STIL: variants seen among roughly 807,000 people sequenced by gnomAD.
STIL encodes SCL-interrupting locus protein.
STIL carries 55 observed loss-of-function variants against 110.1 expected under a neutral mutation model. The observed-to-expected ratio is 0.50, with a 90% CI of 0.40 to 0.63. The LOEUF is 0.63. STIL is among the 20% of genes least tolerant of loss of function. The pLI, the probability that STIL is intolerant of heterozygous loss-of-function variation, is 0.00. For missense variants in STIL, 1,358 were observed against 1,530.0 expected (o/e 0.89, Z 1.87); for synonymous variants, 481 against 530.0 (o/e 0.91, Z 1.27).
rs760203042 is a variant in STIL, at chr1:47,280,742, G to A, written c.1716C>T (p.His572=). The A allele has an allele frequency of 4.3e-5, 70 of 1,613,910 alleles. No individual in the cohort carries two copies. Among genetic ancestry groups the A allele is most frequent in the South Asian group, 1.9e-4 (17 of 91,076 alleles). The change falls in exon 12 of 17, where the codon CAC becomes CAT. Residue 572 remains histidine, a synonymous_variant. Transcript: ENST00000371877. ...AATTATGGGGTGAAAAAACAAAATC[G>A]TGTGGTTGGGACTGCGGGGCAAGAG... ...QSSLAPQSQP[H]DFVFSPHNSG... is the part of the protein sequence containing the mutation.
chr1:47,262,929 T>G lies in STIL; in HGVS notation c.2803A>C (p.Asn935His). 2 of 1,614,220 alleles carry G rather than the reference T, an allele frequency of 1.2e-6. No individual in the cohort carries two copies. The highest frequency in any genetic ancestry group is 8.5e-7 in the Non-Finnish European group (1 of 1,180,030). Residue 935 changes from asparagine (N) to histidine (H), a missense_variant, in exon 15 of 17, where the codon AAC (asparagine) becomes CAC (histidine). Physicochemically the swap from Asn to His is moderately conservative, Grantham distance 68. Coordinates refer to ENST00000371877, the MANE Select transcript of STIL (RefSeq NM_001048166.1). Reference sequence around the variant, plus strand: ...AATAAATCCTGGTAAATTTTCTGGTTATCTGATGGTTGATGAAGCAAGGGT... The same window carrying G: ...AATAAATCCTGGTAAATTTTCTGGTGATCTGATGGTTGATGAAGCAAGGGT... Reference protein sequence around the residue: ...MQPLLHQPSDNQKIYQDLLGQ... With the variant: ...MQPLLHQPSDHQKIYQDLLGQ...
chr1:47,280,859 A>C lies in STIL; in HGVS notation c.1599T>G (p.Asp533Glu), dbSNP rs769167093. ...KPSSHNGPSH[D>E]IFEKLQTVSA... ...AAACTGTTTGGAGCTTTTCAAATAT[A>C]TCATGAGATGGCCCATTATGAGAAG... The change falls in exon 12 of 17, where the codon GAT (aspartate) becomes GAG (glutamate). Residue 533 changes from aspartate (D) to glutamate (E), a missense_variant. By Grantham distance (45) the Asp-to-Glu change is conservative. Transcript: ENST00000371877. 1 of 1,614,242 alleles carries C rather than the reference A, an allele frequency of 6.2e-7. No individual in the cohort carries two copies. The highest frequency in any genetic ancestry group is 8.5e-7 in the Non-Finnish European group (1 of 1,180,038).
At chr1:47,299,134 A>G (rs12743877) in intron 6 of STIL, among the ~76,000 whole-genome samples, 87,688 of 150,810 alleles carry the variant, frequency 0.58, 27,661 homozygotes, top group African/African-American at 0.84. Context: ...GATCACCTGA[A>G]GTCTGGAGTT....
At position 47,251,903 on chromosome 1, in the gene STIL, G is replaced by T. The variant is rs1644194837; in HGVS notation, c.3100C>A (p.Pro1034Thr). 2 of 1,611,400 alleles carry T rather than the reference G, an allele frequency of 1.2e-6. No homozygotes were observed. Among genetic ancestry groups the T allele is most frequent in the African/African-American group, 2.7e-5 (2 of 74,884 alleles). Residue 1034 changes from proline (P) to threonine (T), a missense_variant, in exon 17 of 17, where the codon CCA becomes ACA. Pro to Thr is a conservative substitution (Grantham distance 38). Transcript: ENST00000371877. ...DHASVLACIS[P>T]EAVISGLNCM... ...TTTAATCCAGAGATCACTGCTTCTG[G>T]GCTGATGCATGCCAACACACTGAAA...
At chr1:47,302,902 GGTCT>G (rs1303626948) in intron 3 of STIL, among the ~76,000 whole-genome samples, 1 of 152,032 alleles carries the variant, frequency 6.6e-6, no homozygotes, top group Non-Finnish European at 1.5e-5. Flanking sequence ...GTGTGAATAT[GGTCT>G]GTCTCTCAAA....
intron 11 of STIL, 80 bp from the exon 12 acceptor site, chr1:47,281,289 C>T (rs1645153353): frequency 5.9e-6 from 8 of 1,344,780 alleles, no homozygotes; most frequent in Non-Finnish European, 8.0e-6. Context: ...ACCAGTATTT[C>T]CCAAATTATA....
intron 3 of STIL, among the ~76,000 whole-genome samples, chr1:47,304,015 A>G (rs187136441): frequency 5.6e-4 from 86 of 152,224 alleles, no homozygotes; most frequent in Non-Finnish European, 1.0e-3. Context: ...CCTACAAGAG[A>G]ACTGTGAAAC....
chr1:47,283,160 T>A (rs1207037190), intron 10 of STIL: 1 of 152,120 alleles, frequency 6.6e-6, no homozygotes, highest in East Asian at 1.9e-4. Flanking sequence ...GCGCTCAGGA[T>A]TAATGGGATC....
chr1:47,252,282 T>C (rs1452309543), intron 16 of STIL, among the ~76,000 whole-genome samples: 1 of 152,136 alleles, frequency 6.6e-6, no homozygotes, highest in Non-Finnish European at 1.5e-5. Context: ...CTCAAGAGGC[T>C]GAGGCAGGAG....
intron 15 of STIL, among the ~76,000 whole-genome samples, chr1:47,262,072 TCTCA>T (rs1644502901): frequency 6.6e-6 from 1 of 152,178 alleles, no homozygotes; most frequent in African/African-American, 2.4e-5. Context: ...CTCCTTTTCT[TCTCA>T]CTTTCTCAAA....
chr1:47,262,863 T>C (rs1346439633), intron 15 of STIL, 40 bp downstream of exon 15: 3 of 1,592,204 alleles, frequency 1.9e-6, no homozygotes, highest in Admixed American at 1.7e-5. Context: ...CTATACTAAA[T>C]AACCTTCTCA....
intron 8 of STIL, among the ~76,000 whole-genome samples, chr1:47,292,968 A>G (rs573238570): frequency 6.6e-6 from 1 of 152,210 alleles, no homozygotes; most frequent in Non-Finnish European, 1.5e-5. Context: ...CTATTAAATG[A>G]GTTGAGGTTA....
intron 5 of STIL, 82 bp from the exon 6 acceptor site, chr1:47,300,234 T>C: frequency 2.3e-6 from 3 of 1,286,910 alleles, no homozygotes; most frequent in East Asian, 2.5e-5. Flanking sequence ...CTGATACATA[T>C]ACATATATAA....
chr1:47,313,232 G>C (rs535050544), intron 1 of STIL: 2 of 152,282 alleles, frequency 1.3e-5, no homozygotes, highest in African/African-American at 4.8e-5. Context: ...GCTGAGGCAG[G>C]AGAATCGCTT....
At chr1:47,258,991 G>GTTTTTTTTTTTTTTTTTTTT (rs1557704421) in intron 16 of STIL, among the ~76,000 whole-genome samples, 1 of 36,228 alleles carries the variant, frequency 2.8e-5, no homozygotes, top group African/African-American at 1.4e-4. Flanking sequence ...AAGTAACTTT[G>GTTTTTTTTTTTTTTTTTTTT]CTTTTTTTTT....
intron 12 of STIL, among the ~76,000 whole-genome samples, chr1:47,277,517 C>A (rs11211503): frequency 0.022 from 3,395 of 152,016 alleles, 130 homozygotes; most frequent in East Asian, 0.19. Flanking sequence ...GTATAGGAAA[C>A]ATGAGGGGAT....
At chr1:47,282,806 A>G in intron 10 of STIL, 1 of 254,134 alleles carries the variant, frequency 3.9e-6, no homozygotes, top group Non-Finnish European at 7.8e-6. Context: ...ATAATCTAGT[A>G]TTAAAGGTTA....
At chr1:47,261,364 G>A (rs1021488299) in intron 15 of STIL, among the ~76,000 whole-genome samples, 15 of 151,566 alleles carry the variant, frequency 9.9e-5, no homozygotes, top group Admixed American at 4.0e-4. Flanking sequence ...CTCCAGCCTG[G>A]GTGACAGAGT....
intron 8 of STIL, among the ~76,000 whole-genome samples, chr1:47,292,867 C>T (rs955800897): frequency 1.3e-5 from 2 of 152,158 alleles, no homozygotes; most frequent in Non-Finnish European, 2.9e-5. Flanking sequence ...AAGTCCTTTA[C>T]AGCCACCCAA....
Sources: gnomAD v4.1 joint callset for allele counts (sites outside exome capture counted in the v4.1 genomes callset) on GRCh38, gnomAD v4.1.1 for gene constraint, MANE v1.5 for transcripts, NCBI Gene and HGNC (gene_info 2026-07-23, HGNC 2026-07-21) for gene names.